Variants in ITGA1 observed in about 807,000 individuals in gnomAD.
ITGA1 encodes integrin subunit alpha 1, also known as integrin alpha-1.
A neutral mutation model predicts 145.9 loss-of-function variants in ITGA1; 85 were observed. The observed-to-expected ratio is 0.58, with a 90% CI of 0.49 to 0.70. ITGA1 has a LOEUF of 0.70. Among genes scored for constraint, ITGA1 ranks in the 30% least tolerant of loss-of-function variants. The probability of loss-of-function intolerance (pLI) is 0.00; values close to 1 mark genes in which losing one functional copy is unlikely to be tolerated. For synonymous variants in ITGA1, 520 were observed against 495.3 expected, an observed-to-expected ratio of 1.05 and a Z score of -0.66; for missense variants, 1,351 against 1,418.7, an observed-to-expected ratio of 0.95 and a Z score of 0.77.
chr5:52,943,369 G>A (rs527304769), intron 26 of ITGA1, among the ~76,000 whole-genome samples: 91 of 152,302 alleles, frequency 6.0e-4, no homozygotes, highest in African/African-American at 2.0e-3. Flanking sequence ...GCTTTCAGAG[G>A]GCCAAGTCTC....
At chr5:52,949,366 C>A (rs185412173) in intron 28 of ITGA1, among the ~76,000 whole-genome samples, 25 of 152,278 alleles carry the variant, frequency 1.6e-4, no homozygotes, top group African/African-American at 5.1e-4. Context: ...GAGTAAGGAT[C>A]TGAATTCTGT....
chr5:52,811,775 C>T (rs1036453502), intron 1 of ITGA1, among the ~76,000 whole-genome samples: 1 of 152,076 alleles, frequency 6.6e-6, no homozygotes, highest in Admixed American at 6.5e-5. Flanking sequence ...TTGTTATTTT[C>T]CTCTTCTATC....
chr5:52,940,177 A>G (rs1032796900), intron 26 of ITGA1, among the ~76,000 whole-genome samples: 18 of 152,284 alleles, frequency 1.2e-4, no homozygotes, highest in South Asian at 1.0e-3. Flanking sequence ...ACTTTTTTCA[A>G]TCTCTCTTAT....
At chr5:52,811,954 A>G (rs1019146090) in intron 1 of ITGA1, among the ~76,000 whole-genome samples, 6 of 152,176 alleles carry the variant, frequency 3.9e-5, no homozygotes, top group African/African-American at 1.4e-4. Flanking sequence ...CTAAGTCAGA[A>G]TATTTGGGAA....
chr5:52,812,591 C>T (rs1211638154), intron 1 of ITGA1, among the ~76,000 whole-genome samples: 2 of 152,146 alleles, frequency 1.3e-5, no homozygotes, highest in Admixed American at 6.5e-5. Flanking sequence ...GGATCTCCCA[C>T]AGGTGAGCTC....
rs1750482265 is a variant in ITGA1, at chr5:52,910,234, T to C, written c.1672T>C (p.Cys558Arg). ...TCCSSRQHNS[C>R]TTENKNEPCG... ...CTGTTCATCTCGGCAGCACAATTCA[T>C]GCACAACAGAAAACAAAAATGAGCC... The change falls in exon 14 of 29, where the codon TGC becomes CGC. Residue 558 changes from cysteine to arginine, a missense_variant. Physicochemically the swap from Cys to Arg is radical, Grantham distance 180 (BLOSUM62 -3). Coordinates refer to ENST00000282588, the MANE Select transcript of ITGA1 (RefSeq NM_181501.2). 2.5e-6 allele frequency: 4 copies of C among 1,613,896 alleles called. No individual in the cohort carries two copies. The highest frequency in any genetic ancestry group is 1.3e-5 in the African/African-American group (1 of 74,926).
At chr5:52,950,117 G>T (rs1274039843) in intron 28 of ITGA1, among the ~76,000 whole-genome samples, 1 of 152,170 alleles carries the variant, frequency 6.6e-6, no homozygotes, top group African/African-American at 2.4e-5. Flanking sequence ...CATGATTGAT[G>T]GGAGGAATCT....
In ITGA1 at chr5:52,920,459, C is replaced by A. The variant is rs1416237701; in HGVS notation, c.2283C>A (p.Phe761Leu). 5 of 1,597,386 alleles carry A rather than the reference C, an allele frequency of 3.1e-6. No individual in the cohort carries two copies. The highest frequency in any genetic ancestry group is 4.3e-6 in the Non-Finnish European group (5 of 1,173,692). ...AATCAGAATGCACTAAGCACTCCTT[C>A]TACATGTTGGCAAGTAAATCATATA... ...VRKSECTKHS[F>L]YMLDKHDFQD... The change falls in exon 17 of 29, where the codon TTC becomes TTA. Residue 761 changes from phenylalanine to leucine, a missense_variant. Phe to Leu is a conservative substitution (Grantham distance 22). Coordinates refer to ENST00000282588, the MANE Select transcript of ITGA1 (RefSeq NM_181501.2).
intron 26 of ITGA1, 130 bp downstream of exon 26, chr5:52,940,074 C>A (rs1751031616): frequency 1.5e-6 from 1 of 661,710 alleles, no homozygotes; most frequent in Non-Finnish European, 2.7e-6. Context: ...AGGATGTGAC[C>A]AAGCCCCAGC....
chr5:52,893,898 G>T, intron 9 of ITGA1, 58 bp downstream of exon 9: 7 of 1,359,122 alleles, frequency 5.2e-6, no homozygotes, highest in South Asian at 2.7e-5. Context: ...TCAGTATAAT[G>T]GGATTTTTGT....
chr5:52,829,676 T>C (rs1580051297), intron 1 of ITGA1, among the ~76,000 whole-genome samples: 1 of 152,166 alleles, frequency 6.6e-6, no homozygotes, highest in Admixed American at 6.6e-5. Context: ...CTCATTTATG[T>C]AGAGAATATC....
At chr5:52,943,008 T>C (rs1751077408) in intron 26 of ITGA1, among the ~76,000 whole-genome samples, 1 of 152,234 alleles carries the variant, frequency 6.6e-6, no homozygotes, top group Non-Finnish European at 1.5e-5. Context: ...AGGATCATAT[T>C]ACCAGTGGAA....
At chr5:52,922,006 T>C (rs565205988) in intron 17 of ITGA1, among the ~76,000 whole-genome samples, 3 of 152,292 alleles carry the variant, frequency 2.0e-5, no homozygotes, top group African/African-American at 7.2e-5. Context: ...TAATTTTACA[T>C]TATAAAATTC....
chr5:52,949,720 T>A (rs886236121), intron 28 of ITGA1, among the ~76,000 whole-genome samples: 6 of 152,196 alleles, frequency 3.9e-5, no homozygotes, highest in African/African-American at 1.4e-4. Flanking sequence ...GGTCCCTGGT[T>A]GGATTCAGAC....
At chr5:52,815,563 A>G (rs1266095746) in intron 1 of ITGA1, among the ~76,000 whole-genome samples, 1 of 152,080 alleles carries the variant, frequency 6.6e-6, no homozygotes. Flanking sequence ...CCTTCCCAGG[A>G]TTGGTCTTGG....
intron 6 of ITGA1, among the ~76,000 whole-genome samples, chr5:52,871,270 T>G (rs969185969): frequency 2.0e-5 from 3 of 152,272 alleles, no homozygotes; most frequent in African/African-American, 7.2e-5. Flanking sequence ...TGGTACAGCC[T>G]AAATTAAAAT....
rs1424282293 is a variant in ITGA1 at position 52,898,270 on chromosome 5, A to G, written c.1196A>G (p.Tyr399Cys). 1.2e-6 allele frequency: 2 copies of G among 1,606,874 alleles called. No individual in the cohort carries two copies. Among genetic ancestry groups the G allele is most frequent in the Non-Finnish European group, 8.5e-7 (1 of 1,176,338 alleles). The stretch of plus-strand genomic sequence containing the variant: ...GTCATGCTTGGAGCAGTAGGAGCCT[A>G]TGATTGGAATGGAACAGTTGTCATG... ...DWVMLGAVGA[Y>C]DWNGTVVMQK... The change falls in exon 11 of 29, where the codon TAT becomes TGT. Residue 399 changes from tyrosine (Y) to cysteine (C), a missense_variant. Physicochemically the swap from Tyr to Cys is radical, Grantham distance 194. Transcript: ENST00000282588.
chr5:52,930,903 G>A (rs934332768), intron 21 of ITGA1, among the ~76,000 whole-genome samples: 10 of 152,066 alleles, frequency 6.6e-5, no homozygotes, highest in African/African-American at 2.4e-4. Context: ...TTTTTGAGAG[G>A]TAAAGTCATC....
At chr5:52,950,424 T>G (rs1387699944) in intron 28 of ITGA1, among the ~76,000 whole-genome samples, 1 of 152,240 alleles carries the variant, frequency 6.6e-6, no homozygotes, top group Non-Finnish European at 1.5e-5. Context: ...TTATTCCATG[T>G]TATATTCATT....
Sources: allele counts gnomAD v4.1 joint callset (sites outside exome capture counted in the v4.1 genomes callset), GRCh38; gene constraint gnomAD v4.1.1; transcripts MANE v1.5; gene names NCBI Gene and HGNC (gene_info 2026-07-23, HGNC 2026-07-21).